The following DNAH17 variants were observed in gnomAD, a reference collection of about 807,000 sequenced individuals.
DNAH17 encodes dynein axonemal heavy chain 17, also known as axonemal beta dynein heavy chain 17.
DNAH17 carries 376 observed loss-of-function variants against 485.6 expected under a neutral mutation model. The ratio of observed to expected loss-of-function variants is 0.77; its 90% CI spans 0.71 to 0.84. The LOEUF is 0.84. Among genes scored for constraint, DNAH17 ranks in the 40% least tolerant of loss-of-function variants. DNAH17 has a pLI of 0.00. For missense variants in DNAH17, 6,370 were observed against 5,839.3 expected, an observed-to-expected ratio of 1.09 and a Z score of -2.96; for synonymous variants, 3,031 against 2,405.9, an observed-to-expected ratio of 1.26 and a Z score of -7.60.
chr17:78,485,084 C>A, intron 47 of DNAH17, 51 bp from the exon 48 acceptor site: 1 of 1,543,944 alleles, frequency 6.5e-7, no homozygotes. Flanking sequence ...GAGCCAGAGC[C>A]TGTTAGGTAG....
Position 78,444,622 on chromosome 17 carries a change from C to T in DNAH17, c.11510G>A (p.Arg3837His), listed in dbSNP as rs753392873. Residue 3837 changes from arginine to histidine, a missense_variant, in exon 71 of 81, where the codon CGC becomes CAC. Arg to His is a conservative substitution (Grantham distance 29). Transcript: ENST00000389840. ...CACTCACTTGATAGCGTAGGTCATG[C>T]GATCTGGCCGCAGGCAGCGCACCAT... ...LCMVRCLRPD[R>H]MTYAIKNFVE... 28 of 1,575,034 alleles carry T rather than the reference C, an allele frequency of 1.8e-5. No homozygotes were observed. In the Admixed American group the frequency reaches 2.8e-4, roughly 16 times the overall value.
chr17:78,455,643 C>A lies in DNAH17; in HGVS notation c.10170+1G>T. 1.3e-6 allele frequency: 2 copies of A among 1,545,864 alleles called. No homozygotes were observed. Among genetic ancestry groups the A allele is most frequent in the Non-Finnish European group, 1.7e-6 (2 of 1,144,152 alleles). Reference sequence around the variant, plus strand: ...CGCCTGGCCAGGACTCCACTCCTTACCTTTAAGTTATGTATGTAAGGGATC... The same window carrying A: ...CGCCTGGCCAGGACTCCACTCCTTAACTTTAAGTTATGTATGTAAGGGATC... On this transcript the variant is annotated splice_donor_variant, in intron 63 of 80. Coordinates refer to ENST00000389840, the MANE Select transcript of DNAH17 (RefSeq NM_173628.4). LOFTEE classifies it high-confidence loss of function.
intron 19 of DNAH17, among the ~76,000 whole-genome samples, chr17:78,534,327 G>A (rs1460311001): frequency 3.3e-5 from 5 of 152,344 alleles, no homozygotes; most frequent in Admixed American, 1.3e-4. Context: ...ACGAGGAAAC[G>A]GTGTAATTGA....
intron 71 of DNAH17, among the ~76,000 whole-genome samples, chr17:78,443,518 A>T (rs1195679351): frequency 6.6e-6 from 1 of 151,084 alleles, no homozygotes; most frequent in South Asian, 2.1e-4. Context: ...CCTGGGAGTT[A>T]GGCCTCTGCT....
intron 13 of DNAH17, among the ~76,000 whole-genome samples, chr17:78,560,418 T>C (rs2092126673): frequency 6.6e-6 from 1 of 152,070 alleles, no homozygotes; most frequent in African/African-American, 2.4e-5. Flanking sequence ...AAGTGTGAAT[T>C]CTCCCCAGTG....
chr17:78,526,256 A>G (rs1252597450), intron 24 of DNAH17, among the ~76,000 whole-genome samples: 1 of 152,232 alleles, frequency 6.6e-6, no homozygotes, highest in Non-Finnish European at 1.5e-5. Flanking sequence ...GGCAGGAGGC[A>G]GGGAGAGATG....
At chr17:78,438,152 A>G (rs1320491666) in intron 73 of DNAH17, among the ~76,000 whole-genome samples, 3 of 151,820 alleles carry the variant, frequency 2.0e-5, no homozygotes, top group East Asian at 4.0e-4. Context: ...CCTCCCTGGC[A>G]TAAGGCTGAG....
At chr17:78,548,537 G>A (rs183379678) in intron 16 of DNAH17, among the ~76,000 whole-genome samples, 1 of 152,108 alleles carries the variant, frequency 6.6e-6, no homozygotes, top group Non-Finnish European at 1.5e-5. Context: ...AATGTCTTAG[G>A]TTTACTAAAT....
At position 78,561,980 on chromosome 17, in the gene DNAH17, G is replaced by C. The variant is rs767987437; in HGVS notation, c.1570C>G (p.Leu524Val). ...ATGAGGCCCCCACACATGTACAGGA[G>C]CTGAGGACAAAGGAGAAGGGGGCCT... is the stretch of plus-strand genomic sequence containing the variant. ...DCSCIKSSAK[L>V]LYMCGGLMER... is the part of the protein sequence containing the mutation. Residue 524 changes from leucine to valine, a missense_variant and splice_region_variant, in exon 12 of 81, where the codon CTC becomes GTC. Transcript: ENST00000389840. 6.3e-7 allele frequency: 1 copy of C among 1,585,852 alleles called. No individual in the cohort carries two copies. The highest frequency in any genetic ancestry group is 1.4e-5 in the African/African-American group (1 of 73,990).
intron 37 of DNAH17, chr17:78,496,698 G>A (rs1412296548): frequency 1.7e-5 from 2 of 119,860 alleles, no homozygotes; most frequent in African/African-American, 6.3e-5. Flanking sequence ...TTAAGACTGA[G>A]TGTCACTCTG....
At chr17:78,536,923 C>T (rs1363452445) in intron 19 of DNAH17, among the ~76,000 whole-genome samples, 1 of 152,014 alleles carries the variant, frequency 6.6e-6, no homozygotes, top group Non-Finnish European at 1.5e-5. Context: ...CGCCTATAAT[C>T]CCAGCACTTT....
chr17:78,451,372 C>G (rs2087544069), intron 66 of DNAH17, 97 bp downstream of exon 66: 9 of 1,171,906 alleles, frequency 7.7e-6, no homozygotes, highest in East Asian at 2.5e-5. Flanking sequence ...ACGACACACA[C>G]TGGACTGGCA....
intron 13 of DNAH17, 95 bp downstream of exon 13, chr17:78,560,645 C>T (rs2092132750): frequency 7.6e-7 from 1 of 1,307,820 alleles, no homozygotes; most frequent in Non-Finnish European, 1.0e-6. Flanking sequence ...GTGATATAAA[C>T]ATCGACCTCC....
intron 37 of DNAH17, 108 bp downstream of exon 37, chr17:78,498,900 G>A (rs2090170796): frequency 1.2e-6 from 1 of 827,196 alleles, no homozygotes; most frequent in Non-Finnish European, 1.8e-6. Context: ...TTCGGTGCTT[G>A]GAACGTTGCA....
rs771310279 is a variant in DNAH17, at chr17:78,425,658, G to A, written c.12916-87C>T. 142 of 1,227,842 alleles carry A rather than the reference G, an allele frequency of 1.2e-4. 1 individual carries two copies. Among genetic ancestry groups the A allele is most frequent in the South Asian group, 5.9e-4 (39 of 65,756 alleles). 76.1% of individuals were successfully genotyped at this position (1,227,842 alleles called of 1,614,324 possible). ...CTTGGCCGTTCTGAGCAGGGGTCAC[G>A]CCAGAACCTTCCACGGGCCACTCAG... On this transcript the variant is annotated intron_variant, in intron 79 of 80. Coordinates refer to ENST00000389840, the MANE Select transcript of DNAH17 (RefSeq NM_173628.4).
chr17:78,426,382 G>C, intron 79 of DNAH17, 75 bp downstream of exon 79: 1 of 1,461,534 alleles, frequency 6.8e-7, no homozygotes, highest in Admixed American at 2.6e-5. Context: ...GCAGGCTCTA[G>C]GGTGTGGGGT....
At chr17:78,544,692 C>A (rs1177395180) in intron 16 of DNAH17, among the ~76,000 whole-genome samples, 2 of 150,132 alleles carry the variant, frequency 1.3e-5, no homozygotes, top group Non-Finnish European at 3.0e-5. Flanking sequence ...GTCCCAGCTA[C>A]CAGGAGGCTG....
chr17:78,538,248 G>A (rs77844062), intron 18 of DNAH17, among the ~76,000 whole-genome samples: 14,294 of 152,016 alleles, frequency 0.094, 843 homozygotes, highest in South Asian at 0.18. Flanking sequence ...TGCAGGGGCT[G>A]GCCAAGCCTG....
intron 67 of DNAH17, 116 bp from the exon 68 acceptor site, chr17:78,450,510 C>A (rs1230829971): frequency 2.0e-6 from 3 of 1,476,336 alleles, no homozygotes; most frequent in African/African-American, 1.4e-5. Context: ...GGGCTCTCAG[C>A]AGCAGCTGGG....
Sources: allele counts gnomAD v4.1 joint callset (sites outside exome capture counted in the v4.1 genomes callset), GRCh38; gene constraint gnomAD v4.1.1; transcripts MANE v1.5; gene names NCBI Gene and HGNC (gene_info 2026-07-23, HGNC 2026-07-21).